The following CDHR2 variants were observed in gnomAD, a reference collection of about 807,000 sequenced individuals.
CDHR2 encodes the protein cadherin-related family member 2.
CDHR2 carries 104 observed loss-of-function variants against 138.6 expected under a neutral mutation model. The ratio of observed to expected loss-of-function variants is 0.75; its 90% CI spans 0.64 to 0.88. The LOEUF is 0.88. Ranked by LOEUF, CDHR2 falls within the 40% of genes least tolerant of loss-of-function variation. The probability of loss-of-function intolerance (pLI) is 0.00; values close to 1 mark genes in which losing one functional copy is unlikely to be tolerated. For missense variants in CDHR2, 1,624 were observed against 1,727.6 expected (o/e 0.94, Z 1.06); for synonymous variants, 755 against 742.8 (o/e 1.02, Z -0.27).
chr5:176,588,656 T>C (rs115426505), intron 21 of CDHR2, among the ~76,000 whole-genome samples: 1,632 of 149,110 alleles, frequency 0.011, 28 homozygotes, highest in African/African-American at 0.038. Context: ...AGTGGGACAG[T>C]GTGTGAGAGT....
chr5:176,567,206 T>C lies in CDHR2; in HGVS notation c.124+1463T>C, dbSNP rs557561659. 1,512 of 337,504 alleles carry C rather than the reference T, an allele frequency of 4.5e-3. 23 individuals are homozygous for C. The highest frequency in any genetic ancestry group is 0.016 in the South Asian group (676 of 41,988). 20.9% of individuals were successfully genotyped at this position (337,504 alleles called of 1,614,324 possible). A position where few individuals can be genotyped will look rare whatever the true frequency, so the allele number is the denominator to read the frequency against. ...TTTTTTGAGACAGGGTCTGGCTCTG[T>C]CCCCCAGGCTGGAGTGTAGTGGTGC... On this transcript the variant is annotated intron_variant, in intron 3 of 31. Transcript: ENST00000261944.
intron 16 of CDHR2, among the ~76,000 whole-genome samples, 171 bp from the exon 17 acceptor site, chr5:176,581,172 C>T (rs1332287673): frequency 6.6e-6 from 1 of 152,176 alleles, no homozygotes; most frequent in African/African-American, 2.4e-5. Flanking sequence ...TTGCAAACTG[C>T]TGACCTGAGC....
rs1347199056 is a variant in CDHR2, at chr5:176,577,646, A to G, written c.1360A>G (p.Thr454Ala). 1 of 1,614,194 alleles carries G rather than the reference A, an allele frequency of 6.2e-7. No homozygotes were observed. Among genetic ancestry groups the G allele is most frequent in the Admixed American group, 1.7e-5 (1 of 60,024 alleles). Residue 454 changes from threonine (T) to alanine (A), a missense_variant, in exon 14 of 32, where the codon ACA (threonine) becomes GCA (alanine). By Grantham distance (58) the Thr-to-Ala change is moderately conservative. Coordinates refer to ENST00000261944, the MANE Select transcript of CDHR2 (RefSeq NM_017675.6). ...QTAMAVQVVATDSVSQNFSVA... is the reference protein window; with the variant it reads ...QTAMAVQVVAADSVSQNFSVA... ...CCTCCCCTGCCCCCAGGTTGTGGCC[A>G]CAGACTCCGTCAGCCAGAACTTCTC...
intron 20 of CDHR2, 178 bp from the exon 21 acceptor site, chr5:176,586,615 T>C (rs1758675018): frequency 3.4e-6 from 2 of 595,240 alleles, no homozygotes; most frequent in Non-Finnish European, 6.0e-6. Flanking sequence ...CCTGTGACAA[T>C]GGGAGGTGGA....
rs781376739 is a variant in CDHR2, at chr5:176,568,652, C to G, written c.125-26C>G. On this transcript the variant is annotated intron_variant, in intron 3 of 31. Coordinates refer to ENST00000261944, the MANE Select transcript of CDHR2 (RefSeq NM_017675.6). ...AGCACTGAAAGGGTGGCTGTGGACCCTGGGTGGCCCCTGTCCCATCCCCAG... is the reference window on the plus strand; with the variant it reads ...AGCACTGAAAGGGTGGCTGTGGACCGTGGGTGGCCCCTGTCCCATCCCCAG... 4 of 1,611,916 alleles carry G rather than the reference C, an allele frequency of 2.5e-6. No individual in the cohort carries two copies. The South Asian group carries it at 4.4e-5, about 18-fold the overall frequency.
chr5:176,582,383 AT>A (rs1758552634), intron 17 of CDHR2, among the ~76,000 whole-genome samples: 1 of 152,120 alleles, frequency 6.6e-6, no homozygotes, highest in South Asian at 2.1e-4. Flanking sequence ...GTCCAGGCCA[AT>A]TTTGAACTGT....
chr5:176,561,091 C>T (rs1278972907), intron 1 of CDHR2, among the ~76,000 whole-genome samples: 1 of 152,204 alleles, frequency 6.6e-6, no homozygotes, highest in Non-Finnish European at 1.5e-5. Flanking sequence ...GGGCAAGAGA[C>T]AGACCGTCCT....
chr5:176,575,418 G>A lies in CDHR2; in HGVS notation c.760G>A (p.Ala254Thr). 6.2e-7 allele frequency: 1 copy of A among 1,614,246 alleles called. No individual in the cohort carries two copies. Among genetic ancestry groups the A allele is most frequent in the Non-Finnish European group, 8.5e-7 (1 of 1,180,046 alleles). The change falls in exon 9 of 32, where the codon GCA (alanine) becomes ACA (threonine). Residue 254 changes from alanine to threonine, a missense_variant. By Grantham distance (58) the Ala-to-Thr change is moderately conservative (BLOSUM62 0). Around this residue, in one of 3 missense-constraint regions of CDHR2, gnomAD observed 1,061 missense variants for 1,136.6 expected, o/e 0.93. Coordinates refer to ENST00000261944, the MANE Select transcript of CDHR2 (RefSeq NM_017675.6). ...EFYSASVAED[A>T]AKGTSVLTVE... ...TTACTCGGCCTCTGTGGCTGAGGAT[G>A]CAGCCAAGGTGCACGGGGGACCTGT...
At position 176,590,146 on chromosome 5, in the gene CDHR2, G is replaced by C. The variant is rs200622441; in HGVS notation, c.3275G>C (p.Arg1092Pro). Residue 1092 changes from arginine to proline, a missense_variant and splice_region_variant, in exon 25 of 32, where the codon CGG becomes CCG. By Grantham distance (103) the Arg-to-Pro change is moderately radical. Around this residue, in one of 3 missense-constraint regions of CDHR2, gnomAD observed 556 missense variants for 565.7 expected, o/e 0.98. Coordinates refer to ENST00000261944, the MANE Select transcript of CDHR2 (RefSeq NM_017675.6). Reference protein sequence around the residue: ...VDIQDIDSAARARPHSYLDAY... With the variant: ...VDIQDIDSAAPARPHSYLDAY... ...ATTCAGGACATAGATTCTGCAGCTC[G>C]GTGAGTGCCCAGAGGCCTGGGGGTG... 78 of 1,613,576 alleles carry C rather than the reference G, an allele frequency of 4.8e-5. No individual in the cohort carries two copies. The highest frequency in any genetic ancestry group is 5.9e-6 in the Non-Finnish European group (7 of 1,179,854).
intron 28 of CDHR2, 128 bp downstream of exon 28, chr5:176,590,815 A>G (rs1441853094): frequency 2.3e-6 from 3 of 1,280,178 alleles, no homozygotes; most frequent in African/African-American, 2.9e-5. Flanking sequence ...CCAGTGACCC[A>G]GTGCGAGATC....
At chr5:176,588,692 TGAGA>T (rs1229176561) in intron 21 of CDHR2, among the ~76,000 whole-genome samples, 1 of 139,032 alleles carries the variant, frequency 7.2e-6, no homozygotes, top group African/African-American at 2.7e-5. Context: ...GGTGTGTATG[TGAGA>T]GAGACTGTGT....
intron 3 of CDHR2, among the ~76,000 whole-genome samples, chr5:176,568,367 A>G (rs1758129191): frequency 6.6e-6 from 1 of 152,250 alleles, no homozygotes; most frequent in Non-Finnish European, 1.5e-5. Context: ...GGTTCACACC[A>G]GCCACGTCTA....
intron 6 of CDHR2, 115 bp from the exon 7 acceptor site, chr5:176,573,968 G>A (rs1160674821): frequency 1.0e-5 from 8 of 777,718 alleles, no homozygotes; most frequent in Non-Finnish European, 1.7e-5. Context: ...AAGGACAGGG[G>A]AACCCTGTCC....
chr5:176,570,677 C>T (rs924108321), intron 5 of CDHR2, among the ~76,000 whole-genome samples: 12 of 152,300 alleles, frequency 7.9e-5, no homozygotes, highest in East Asian at 3.9e-4. Flanking sequence ...TAACTGCTGG[C>T]GTGGTGGTGC....
chr5:176,588,309 GGTGT>G (rs1379832162), intron 21 of CDHR2, among the ~76,000 whole-genome samples: 4 of 151,554 alleles, frequency 2.6e-5, no homozygotes, highest in Admixed American at 1.3e-4. Flanking sequence ...GGTGATTGTG[GGTGT>G]GTATGTGTGT....
intron 1 of CDHR2, among the ~76,000 whole-genome samples, chr5:176,552,279 C>T (rs1383549927): frequency 6.6e-6 from 1 of 152,246 alleles, no homozygotes; most frequent in Non-Finnish European, 1.5e-5. Flanking sequence ...CACAGCTGAT[C>T]TGGGCCTTAC....
At chr5:176,550,090 G>A (rs549419075) in intron 1 of CDHR2, among the ~76,000 whole-genome samples, 10 of 152,332 alleles carry the variant, frequency 6.6e-5, no homozygotes, top group African/African-American at 1.4e-4. Context: ...GCCATGCTGC[G>A]TCACTCAGGC....
chr5:176,595,736 C>T lies in CDHR2; in HGVS notation c.*64C>T. The T allele has an allele frequency of 7.1e-7, 1 of 1,398,722 alleles. No individual in the cohort carries two copies. Among genetic ancestry groups the T allele is most frequent in the Non-Finnish European group, 9.5e-7 (1 of 1,057,098 alleles). The allele number at this position is 1,398,722 out of a possible 1,614,324, so 86.6% of individuals were successfully genotyped here. On this transcript the variant is annotated 3_prime_UTR_variant, in exon 32 of 32. Transcript: ENST00000261944. ...TACCACACCCTAACTGCACCTGTCT[C>T]CCTGGAGATGAAAATATATGACGCT...
chr5:176,554,169 TC>T (rs1265238163), intron 1 of CDHR2, among the ~76,000 whole-genome samples: 1 of 152,166 alleles, frequency 6.6e-6, no homozygotes, highest in African/African-American at 2.4e-5. Context: ...TTCCCAAGGT[TC>T]CCCTGGCTAG....
Sources: allele counts gnomAD v4.1 joint callset (sites outside exome capture counted in the v4.1 genomes callset), GRCh38; gene constraint gnomAD v4.1.1; regional missense constraint gnomAD v4.1.1; transcripts MANE v1.5; gene names NCBI Gene and HGNC (gene_info 2026-07-23, HGNC 2026-07-21).